The following GABRB2 variants were observed in gnomAD, a reference collection of about 807,000 sequenced individuals.
The protein encoded by GABRB2 is gamma-aminobutyric acid type A receptor subunit beta2.
In GABRB2, 16 loss-of-function variants were observed where a neutral mutation model predicts 54.7. That is an observed-to-expected ratio of 0.29 (90% CI 0.20 to 0.44). The LOEUF is 0.44. GABRB2 is among the 20% of genes least tolerant of loss of function. The pLI is 1.00. For missense variants in GABRB2, 355 were observed against 644.0 expected, an observed-to-expected ratio of 0.55 and a Z score of 4.86; for synonymous variants, 244 against 233.8, an observed-to-expected ratio of 1.04 and a Z score of -0.40.
At chr5:161,545,150 CCAATAGCTGGCT>C in intron 3 of GABRB2, 65 bp downstream of exon 3, 1 of 1,123,574 alleles carries the variant, frequency 8.9e-7, no homozygotes, top group South Asian at 1.4e-5. Context: ...ACCCCCACCC[CCAATAGCTGGCT>C]CATTTCTCCT....
At position 161,291,273 on chromosome 5, in the gene GABRB2, C is replaced by G. The variant is rs1406198277; in HGVS notation, c.*2808G>C. Reference sequence around the variant, plus strand: ...TGGCTGTTTATAATTAAAAGAAAATCTATACATATGTATAAACTGATAGTA... The same window carrying G: ...TGGCTGTTTATAATTAAAAGAAAATGTATACATATGTATAAACTGATAGTA... On this transcript the variant is annotated 3_prime_UTR_variant, in exon 10 of 10. Transcript: ENST00000393959. 6.6e-6 allele frequency: 1 copy of G among 152,300 alleles called. No homozygotes were observed. 9.4% of individuals were successfully genotyped at this position (152,300 alleles called of 1,614,324 possible).
intron 5 of GABRB2, among the ~76,000 whole-genome samples, chr5:161,405,669 G>A (rs868662560): frequency 6.6e-6 from 1 of 151,862 alleles, no homozygotes; most frequent in Non-Finnish European, 1.5e-5. Context: ...GTTTACCTGG[G>A]GTGGAGAAAC....
At chr5:161,494,121 T>C (rs1161088912) in intron 3 of GABRB2, among the ~76,000 whole-genome samples, 1 of 151,802 alleles carries the variant, frequency 6.6e-6, no homozygotes, top group Non-Finnish European at 1.5e-5. Flanking sequence ...ACAGTTACCA[T>C]AAAACATAAT....
intron 5 of GABRB2, among the ~76,000 whole-genome samples, chr5:161,367,471 TC>T (rs2113462112): frequency 6.6e-6 from 1 of 151,610 alleles, no homozygotes; most frequent in African/African-American, 2.4e-5. Flanking sequence ...CATATATTTT[TC>T]GTTTGCTTAA....
intron 3 of GABRB2, among the ~76,000 whole-genome samples, chr5:161,490,384 T>A (rs1011226460): frequency 6.6e-6 from 1 of 151,638 alleles, no homozygotes; most frequent in African/African-American, 2.4e-5. Context: ...AACACATGGT[T>A]CACAAGGGTG....
chr5:161,530,917 T>G (rs1760439602), intron 3 of GABRB2, among the ~76,000 whole-genome samples: 1 of 152,098 alleles, frequency 6.6e-6, no homozygotes, highest in Admixed American at 6.6e-5. Context: ...AGAAGCACAC[T>G]GGCTTAACGG....
chr5:161,509,975 T>C (rs1314763993), intron 3 of GABRB2, among the ~76,000 whole-genome samples: 2 of 151,936 alleles, frequency 1.3e-5, no homozygotes, highest in Non-Finnish European at 2.9e-5. Flanking sequence ...TTATTTTTAA[T>C]TATTTTTAGT....
In GABRB2 at chr5:161,509,696, A is replaced by G. The variant is rs902565944; in HGVS notation, c.237+35531T>C. Among the ~76,000 whole-genome samples the G allele has an allele frequency of 2.0e-5, 3 of 152,016 alleles. No individual in the cohort carries two copies. In the South Asian group the frequency reaches 6.2e-4, roughly 32 times the overall value. ...AATACTCGAGATATTTTACACTTAGAATGAGATGCAAACTAATCAATCAGA... is the reference window on the plus strand; with the variant it reads ...AATACTCGAGATATTTTACACTTAGGATGAGATGCAAACTAATCAATCAGA... On this transcript the variant is annotated intron_variant, in intron 3 of 9. Transcript: ENST00000393959.
intron 4 of GABRB2, among the ~76,000 whole-genome samples, chr5:161,450,488 T>A (rs1757760335): frequency 6.6e-6 from 1 of 152,178 alleles, no homozygotes; most frequent in South Asian, 2.1e-4. Flanking sequence ...ATGATGTATT[T>A]CTGATCCTGC....
chr5:161,295,433 A>G (rs900245300), intron 9 of GABRB2, among the ~76,000 whole-genome samples: 2 of 152,212 alleles, frequency 1.3e-5, no homozygotes, highest in African/African-American at 4.8e-5. Flanking sequence ...AGATAATAAA[A>G]CCTAGACAGA....
intron 3 of GABRB2, among the ~76,000 whole-genome samples, chr5:161,503,936 A>T (rs879830432): frequency 6.6e-6 from 1 of 152,110 alleles, no homozygotes; most frequent in African/African-American, 2.4e-5. Context: ...AGACTTCTAC[A>T]TAAGGAACAT....
At chr5:161,505,294 C>G (rs967355197) in intron 3 of GABRB2, among the ~76,000 whole-genome samples, 3 of 151,922 alleles carry the variant, frequency 2.0e-5, no homozygotes, top group African/African-American at 7.2e-5. Context: ...CCACGCCCGA[C>G]AAATTTTTGT....
At chr5:161,368,771 A>G (rs2910294) in intron 5 of GABRB2, among the ~76,000 whole-genome samples, 99,529 of 151,526 alleles carry the variant, frequency 0.66, 33,755 homozygotes, top group South Asian at 0.76. Context: ...TTAGACAAGG[A>G]AAGAAGCTGA....
intron 3 of GABRB2, among the ~76,000 whole-genome samples, chr5:161,492,928 T>C (rs979550831): frequency 6.6e-6 from 1 of 151,732 alleles, no homozygotes; most frequent in Non-Finnish European, 1.5e-5. Context: ...TCTTCTCCCA[T>C]TGACAGATTT....
intron 5 of GABRB2, among the ~76,000 whole-genome samples, chr5:161,410,152 G>A (rs999926392): frequency 2.0e-5 from 3 of 152,046 alleles, no homozygotes; most frequent in African/African-American, 4.8e-5. Context: ...GTTATTTAGT[G>A]GGATAAAGAT....
chr5:161,421,574 A>G (rs909348212), intron 4 of GABRB2, among the ~76,000 whole-genome samples: 2 of 152,178 alleles, frequency 1.3e-5, no homozygotes, highest in South Asian at 4.1e-4. Flanking sequence ...TTTTCACTGC[A>G]GTACATGGTT....
intron 3 of GABRB2, among the ~76,000 whole-genome samples, chr5:161,505,593 C>T (rs760203621): frequency 3.3e-5 from 5 of 151,986 alleles, no homozygotes; most frequent in Middle Eastern, 3.4e-3. Flanking sequence ...TAATAGAGCA[C>T]GATAAAATAG....
intron 9 of GABRB2, among the ~76,000 whole-genome samples, chr5:161,310,515 T>A (rs944844666): frequency 6.6e-6 from 1 of 152,162 alleles, no homozygotes; most frequent in African/African-American, 2.4e-5. Flanking sequence ...CCCATGCCTA[T>A]GCATGATTTT....
At chr5:161,326,036 C>T (rs1758351680) in intron 9 of GABRB2, among the ~76,000 whole-genome samples, 1 of 152,014 alleles carries the variant, frequency 6.6e-6, no homozygotes, top group African/African-American at 2.4e-5. Context: ...AAAGCAAACA[C>T]AACAATAAAA....
Sources: gnomAD v4.1 joint callset for allele counts (sites outside exome capture counted in the v4.1 genomes callset) on GRCh38, gnomAD v4.1.1 for gene constraint, MANE v1.5 for transcripts, NCBI Gene and HGNC (gene_info 2026-07-23, HGNC 2026-07-21) for gene names.